DYNC2LI1: variants seen among roughly 807,000 people sequenced by gnomAD.
DYNC2LI1 encodes the protein cytoplasmic dynein 2 light intermediate chain 1.
A neutral mutation model predicts 51.9 loss-of-function variants in DYNC2LI1; 45 were observed. That is an observed-to-expected ratio of 0.87 (90% confidence interval 0.68 to 1.11). The LOEUF is 1.11. Among genes scored for constraint, DYNC2LI1 ranks in the 50% most tolerant of loss-of-function variants. The pLI is 0.00. For missense variants in DYNC2LI1, 490 were observed against 417.4 expected (o/e 1.17, Z -1.51); for synonymous variants, 130 against 137.8 (o/e 0.94, Z 0.40).
At chr2:43,797,198 G>T (rs948228548) in intron 8 of DYNC2LI1, among the ~76,000 whole-genome samples, 9 of 152,144 alleles carry the variant, frequency 5.9e-5, no homozygotes, top group African/African-American at 2.2e-4. Context: ...TGTTGTAAAA[G>T]TTAAAAACAT....
chr2:43,795,181 T>G lies in DYNC2LI1; in HGVS notation c.507+538T>G, dbSNP rs76515199. 1.9e-3 allele frequency: 1,922 copies of G among 990,030 alleles called. 32 individuals carry two copies. In the African/African-American group the frequency reaches 0.031, roughly 16 times the overall value. The allele number at this position is 990,030 out of a possible 1,614,324, so 61.3% of individuals were successfully genotyped here. On this transcript the variant is annotated intron_variant, in intron 6 of 12. Transcript: ENST00000260605. ...TAATAAATATCATCATCTGGAAAAC[T>G]GAGAGCAGCATTTTATATTATCCAG...
chr2:43,776,737 A>G, intron 1 of DYNC2LI1, 45 bp from the exon 2 acceptor site: 1 of 846,764 alleles, frequency 1.2e-6, no homozygotes, highest in Non-Finnish European at 1.9e-6. Flanking sequence ...AATATTTGAA[A>G]GAATTCTTTT....
chr2:43,804,053 C>G (rs1009671567), intron 10 of DYNC2LI1, among the ~76,000 whole-genome samples: 1 of 152,102 alleles, frequency 6.6e-6, no homozygotes, highest in African/African-American at 2.4e-5. Context: ...TGTGTTCAGT[C>G]TATATCATTT....
Position 43,783,504 on chromosome 2 carries a change from CT to C in DYNC2LI1, c.127-10del. ...GAGTGACATTAACGCAGTGTTCCTT[CT>C]TTTTTAATTTCCAGGGAAAGACTAC... On this transcript the variant is annotated splice_polypyrimidine_tract_variant and intron_variant, in intron 2 of 12. Transcript: ENST00000260605. The C allele has an allele frequency of 6.5e-7, 1 of 1,530,968 alleles. No homozygotes were observed. Among genetic ancestry groups the C allele is most frequent in the Non-Finnish European group, 8.8e-7 (1 of 1,142,668 alleles). The allele number at this position is 1,530,968 out of a possible 1,614,324, so 94.8% of individuals were successfully genotyped here.
chr2:43,801,974 C>T (rs896676045), intron 10 of DYNC2LI1, among the ~76,000 whole-genome samples: 1 of 152,096 alleles, frequency 6.6e-6, no homozygotes, highest in African/African-American at 2.4e-5. Context: ...CAAGTATTTT[C>T]TTTCCCCAAC....
chr2:43,774,290 C>G, intron 1 of DYNC2LI1, 144 bp downstream of exon 1: 1 of 1,076,562 alleles, frequency 9.3e-7, no homozygotes, highest in South Asian at 1.5e-5. Context: ...TAGGAATCAG[C>G]CTTGAGCATA....
At chr2:43,813,349 C>CTAATTTAA, downstream of DYNC2LI1, 1 of 1,442,542 alleles carries the variant, frequency 6.9e-7, no homozygotes, top group Non-Finnish European at 9.7e-7. Context: ...TGTGGTTTAT[C>CTAATTTAA]TCAGGTAATT....
chr2:43,821,145 C>T, the DYNC2LI1 span, among the ~76,000 whole-genome samples: 7 of 152,352 alleles, frequency 4.6e-5, no homozygotes, highest in East Asian at 1.3e-3. Flanking sequence ...TTACCACTTA[C>T]TCTTCAAGGC....
chr2:43,822,687 G>A, the DYNC2LI1 span: 25 of 1,575,056 alleles, frequency 1.6e-5, no homozygotes, highest in South Asian at 2.0e-4. Flanking sequence ...TGGGCAAAGT[G>A]TAGATCCTCC....
chr2:43,785,638 G>C (rs945202031), intron 3 of DYNC2LI1, among the ~76,000 whole-genome samples: 2 of 152,032 alleles, frequency 1.3e-5, no homozygotes, highest in Admixed American at 6.5e-5. Context: ...GGAGGCTGAG[G>C]CATGGGAATC....
intron 1 of DYNC2LI1, 40 bp downstream of exon 1, chr2:43,774,186 G>T (rs751366604): frequency 5.6e-6 from 9 of 1,612,220 alleles, no homozygotes; most frequent in Non-Finnish European, 7.6e-6. Flanking sequence ...AGGCTACTGA[G>T]AGTATTCCTG....
At chr2:43,813,708 C>CTTTT (rs1558715512), downstream of DYNC2LI1, among the ~76,000 whole-genome samples, 1 of 35,372 alleles carries the variant, frequency 2.8e-5, no homozygotes, top group Non-Finnish European at 5.7e-5. Context: ...TTTTTTTTTT[C>CTTTT]GTTTTTTTTT....
chr2:43,815,861 C>T, the DYNC2LI1 span, among the ~76,000 whole-genome samples: 107 of 148,620 alleles, frequency 7.2e-4, no homozygotes, highest in Middle Eastern at 0.02. Flanking sequence ...ATTAACGTGA[C>T]TCCAGCAAGA....
intron 2 of DYNC2LI1, among the ~76,000 whole-genome samples, chr2:43,777,724 C>T (rs1283040707): frequency 6.6e-6 from 1 of 152,228 alleles, no homozygotes; most frequent in African/African-American, 2.4e-5. Flanking sequence ...CGTCAGCGCC[C>T]AGGCAGCCTG....
At chr2:43,789,841 C>G in intron 5 of DYNC2LI1, 120 bp downstream of exon 5, 2 of 731,054 alleles carry the variant, frequency 2.7e-6, no homozygotes, top group Middle Eastern at 5.6e-4. Flanking sequence ...AAGGCTTATG[C>G]CCACTTCCTT....
At chr2:43,786,758 G>A (rs1277592716) in intron 3 of DYNC2LI1, among the ~76,000 whole-genome samples, 3 of 152,178 alleles carry the variant, frequency 2.0e-5, no homozygotes, top group Middle Eastern at 3.4e-3. Context: ...CCCAGGAGGC[G>A]GAGCTTGCAG....
Position 43,795,189 on chromosome 2 carries a change from G to A in DYNC2LI1, c.507+546G>A, listed in dbSNP as rs114128444. On this transcript the variant is annotated intron_variant, in intron 6 of 12. Transcript: ENST00000260605. ...ATCATCATCTGGAAAACTGAGAGCA[G>A]CATTTTATATTATCCAGAGTTTATA... is the stretch of plus-strand genomic sequence containing the variant. 1.4e-3 allele frequency: 1,402 copies of A among 989,300 alleles called. 18 individuals are homozygous for A. In the African/African-American group the frequency reaches 0.023, roughly 16 times the overall value. 61.3% of individuals were successfully genotyped at this position (989,300 alleles called of 1,614,324 possible).
In DYNC2LI1 at chr2:43,787,188, C is replaced by T; in HGVS notation, c.169C>T (p.Pro57Ser). Residue 57 changes from proline to serine, a missense_variant, in exon 4 of 13, where the codon CCA (proline) becomes TCA (serine). Physicochemically the swap from Pro to Ser is moderately conservative, Grantham distance 74 (BLOSUM62 -1). Transcript: ENST00000260605. ...IILRCLDRDEPPKPTLALEYT... is the reference protein window; with the variant it reads ...IILRCLDRDESPKPTLALEYT... ...TCGGCCTTTATTATACAGAGATGAACCACCAAAACCAACCTTAGCTTTGGA... is the reference window on the plus strand; with the variant it reads ...TCGGCCTTTATTATACAGAGATGAATCACCAAAACCAACCTTAGCTTTGGA... 1.2e-6 allele frequency: 2 copies of T among 1,612,550 alleles called. No individual in the cohort carries two copies. The highest frequency in any genetic ancestry group is 1.7e-6 in the Non-Finnish European group (2 of 1,178,976).
chr2:43,820,638 C>T, the DYNC2LI1 span, among the ~76,000 whole-genome samples: 1 of 152,104 alleles, frequency 6.6e-6, no homozygotes, highest in South Asian at 2.1e-4. Flanking sequence ...TTCTACCAAC[C>T]CCTTCCACTG....
Sources: allele counts gnomAD v4.1 joint callset (sites outside exome capture counted in the v4.1 genomes callset), GRCh38; gene constraint gnomAD v4.1.1; transcripts MANE v1.5; gene names NCBI Gene and HGNC (gene_info 2026-07-23, HGNC 2026-07-21).